POP1: variants seen among roughly 807,000 people sequenced by gnomAD.
The protein encoded by POP1 is POP1 ribonuclease P/MRP subunit.
A neutral mutation model predicts 102.2 loss-of-function variants in POP1; 75 were observed. The observed-to-expected ratio is 0.73, with a 90% CI of 0.61 to 0.89. The LOEUF (loss-of-function observed/expected upper bound fraction) is 0.89, where lower values mean the gene tolerates loss of function less well. Among genes scored for constraint, POP1 ranks in the 40% least tolerant of loss-of-function variants. The pLI, the probability that POP1 is intolerant of heterozygous loss-of-function variation, is 0.00. For missense variants in POP1, 1,116 were observed against 1,267.4 expected, an observed-to-expected ratio of 0.88 and a Z score of 1.81; for synonymous variants, 436 against 464.1, an observed-to-expected ratio of 0.94 and a Z score of 0.78.
In POP1 at chr8:98,130,063, A is replaced by C; in HGVS notation, c.572A>C (p.Glu191Ala). Residue 191 changes from glutamate (E) to alanine (A), a missense_variant, in exon 5 of 16, where the codon GAA becomes GCA. Physicochemically the swap from Glu to Ala is moderately radical, Grantham distance 107 (BLOSUM62 -1). Coordinates refer to ENST00000401707, the MANE Select transcript of POP1 (RefSeq NM_001145860.2). ...AGATGTCACATGAACCGGACGCTAGAATTTAACCGTAGACAAAAGAAGAAC... is the reference window on the plus strand; with the variant it reads ...AGATGTCACATGAACCGGACGCTAGCATTTAACCGTAGACAAAAGAAGAAC... Reference protein sequence around the residue: ...ARRCHMNRTLEFNRRQKKNIW... With the variant: ...ARRCHMNRTLAFNRRQKKNIW... The C allele has an allele frequency of 6.2e-7, 1 of 1,614,216 alleles. No homozygotes were observed. The highest frequency in any genetic ancestry group is 8.5e-7 in the Non-Finnish European group (1 of 1,180,024).
rs1816330067 is a variant in POP1, at chr8:98,129,965, C to G, written c.487-13C>G. On this transcript the variant is annotated splice_polypyrimidine_tract_variant and intron_variant, in intron 4 of 15. Coordinates refer to ENST00000401707, the MANE Select transcript of POP1 (RefSeq NM_001145860.2). Reference sequence around the variant, plus strand: ...TTACAAACTGGGATATGTCCCTCTACTTGAAACTATAGGCGGAGAAAGCCG... The same window carrying G: ...TTACAAACTGGGATATGTCCCTCTAGTTGAAACTATAGGCGGAGAAAGCCG... The G allele has an allele frequency of 6.2e-7, 1 of 1,613,602 alleles. No individual in the cohort carries two copies. The highest frequency in any genetic ancestry group is 1.7e-5 in the Admixed American group (1 of 59,982).
intron 12 of POP1, 69 bp from the exon 13 acceptor site, chr8:98,148,746 T>C: frequency 7.4e-7 from 1 of 1,349,352 alleles, no homozygotes; most frequent in Non-Finnish European, 1.0e-6. Flanking sequence ...AAGCTGCTTA[T>C]AGGGAGACCC....
Position 98,123,277 on chromosome 8 carries a change from T to A in POP1, c.-2-59T>A. 1.9e-6 allele frequency: 3 copies of A among 1,566,162 alleles called. No homozygotes were observed. The South Asian group carries it at 3.4e-5, about 18-fold the overall frequency. ...CATGAATATTTACTCATTAAATTTA[T>A]TTTTATTTTTGAGTGGAAGTTTCCT... On this transcript the variant is annotated intron_variant, in intron 1 of 15. Coordinates refer to ENST00000401707, the MANE Select transcript of POP1 (RefSeq NM_001145860.2).
At chr8:98,142,027 T>A (rs1816719179) in intron 11 of POP1, among the ~76,000 whole-genome samples, 1 of 152,166 alleles carries the variant, frequency 6.6e-6, no homozygotes, top group East Asian at 1.9e-4. Context: ...AATGAGTCAT[T>A]GCCTCTTTCT....
chr8:98,155,861 C>G, intron 14 of POP1, 189 bp from the exon 15 acceptor site: 1 of 650,670 alleles, frequency 1.5e-6, no homozygotes, highest in South Asian at 1.8e-5. Context: ...AGGCATGAGC[C>G]ACTGAGCCCA....
intron 15 of POP1, among the ~76,000 whole-genome samples, chr8:98,157,307 G>T (rs545610526): frequency 1.3e-5 from 2 of 152,138 alleles, no homozygotes; most frequent in African/African-American, 4.8e-5. Flanking sequence ...TTTACTCATT[G>T]AAATCTTAGT....
At chr8:98,125,779 A>G (rs767980625) in intron 2 of POP1, among the ~76,000 whole-genome samples, 1 of 151,814 alleles carries the variant, frequency 6.6e-6, no homozygotes, top group Non-Finnish European at 1.5e-5. Flanking sequence ...AGCTCAGGCA[A>G]TCCACCCACC....
chr8:98,153,216 C>T lies in POP1; in HGVS notation c.2057+2577C>T, dbSNP rs185813073. On this transcript the variant is annotated intron_variant, in intron 14 of 15. Transcript: ENST00000401707. The stretch of plus-strand genomic sequence containing the variant: ...AACTCCTGGCCTCAAGCAGTCCTCC[C>T]ATCCCAGCCTCCCAAAATGCTGGGA... Among the ~76,000 whole-genome samples the T allele has an allele frequency of 3.3e-4, 50 of 152,336 alleles. No individual in the cohort carries two copies. The East Asian group carries it at 9.5e-3, about 29-fold the overall frequency.
intron 11 of POP1, among the ~76,000 whole-genome samples, chr8:98,141,720 A>ATTTT (rs933222679): frequency 7.5e-6 from 1 of 133,138 alleles, no homozygotes; most frequent in East Asian, 2.1e-4. Flanking sequence ...CGCCTGGCTA[A>ATTTT]TTTTTTTTTT....
chr8:98,154,268 T>C (rs112357934), intron 14 of POP1, among the ~76,000 whole-genome samples: 8,722 of 152,282 alleles, frequency 0.057, 296 homozygotes, highest in Middle Eastern at 0.095. Flanking sequence ...CATGGGGTCA[T>C]TGGAGAGTTG....
intron 9 of POP1, among the ~76,000 whole-genome samples, chr8:98,138,974 T>G (rs1304243673): frequency 6.7e-6 from 1 of 150,144 alleles, no homozygotes; most frequent in Non-Finnish European, 1.5e-5. Context: ...TACCTCAGCC[T>G]CCCGAGTAGC....
Position 98,124,859 on chromosome 8 carries a change from C to T in POP1, c.142+1380C>T, listed in dbSNP as rs118100108. Among the ~76,000 whole-genome samples the T allele has an allele frequency of 4.3e-4, 65 of 152,248 alleles. No individual in the cohort carries two copies. In the East Asian group the frequency reaches 7.5e-3, roughly 18 times the overall value. On this transcript the variant is annotated intron_variant, in intron 2 of 15. Coordinates refer to ENST00000401707, the MANE Select transcript of POP1 (RefSeq NM_001145860.2). The stretch of plus-strand genomic sequence containing the variant: ...ACCTTATGAAGTGATAGGAAGATCA[C>T]AGTTGTTCATTAGGGCAGCGGTAGA...
chr8:98,156,286 A>G lies in POP1; in HGVS notation c.2294A>G (p.His765Arg), dbSNP rs780682766. 1.9e-6 allele frequency: 3 copies of G among 1,614,124 alleles called. No homozygotes were observed. The highest frequency in any genetic ancestry group is 1.7e-5 in the Admixed American group (1 of 60,030). Residue 765 changes from histidine to arginine, a missense_variant, in exon 15 of 16, where the codon CAC (histidine) becomes CGC (arginine). Physicochemically the swap from His to Arg is conservative, Grantham distance 29 (BLOSUM62 0). Coordinates refer to ENST00000401707, the MANE Select transcript of POP1 (RefSeq NM_001145860.2). Reference sequence around the variant, plus strand: ...GATGAAGTGGGCACATCCATAGAGCACCCCAGGGAGGCAGAGGAGGTAATG... The same window carrying G: ...GATGAAGTGGGCACATCCATAGAGCGCCCCAGGGAGGCAGAGGAGGTAATG... ...PSDEVGTSIE[H>R]PREAEEVMDA... is the part of the protein sequence containing the mutation.
intron 13 of POP1, among the ~76,000 whole-genome samples, chr8:98,149,666 A>G (rs985484178): frequency 6.6e-6 from 1 of 152,194 alleles, no homozygotes; most frequent in Non-Finnish European, 1.5e-5. Flanking sequence ...CTGAGGCATA[A>G]GAATCCCTTG....
chr8:98,147,789 A>T (rs1809394594), intron 12 of POP1, among the ~76,000 whole-genome samples: 1 of 152,066 alleles, frequency 6.6e-6, no homozygotes, highest in Non-Finnish European at 1.5e-5. Context: ...AGAAAGGAGG[A>T]GGTGTGTCGA....
intron 1 of POP1, among the ~76,000 whole-genome samples, chr8:98,120,800 A>C (rs914287056): frequency 2.6e-5 from 4 of 152,038 alleles, no homozygotes; most frequent in African/African-American, 4.8e-5. Context: ...GCGCCCGCCA[A>C]CACGCCCGGC....
At chr8:98,118,550 C>T (rs185389067) in intron 1 of POP1, among the ~76,000 whole-genome samples, 2 of 152,220 alleles carry the variant, frequency 1.3e-5, no homozygotes, top group East Asian at 1.9e-4. Flanking sequence ...CTGAGCATCT[C>T]AAGTAGTTGG....
chr8:98,141,044 C>T (rs1816689652), intron 11 of POP1, among the ~76,000 whole-genome samples, 156 bp downstream of exon 11: 1 of 152,070 alleles, frequency 6.6e-6, no homozygotes, highest in African/African-American at 2.4e-5. Flanking sequence ...TGATTATGAT[C>T]TAAGGAAATG....
chr8:98,145,006 G>C (rs1290624604), intron 11 of POP1, among the ~76,000 whole-genome samples: 1 of 152,076 alleles, frequency 6.6e-6, no homozygotes, highest in Non-Finnish European at 1.5e-5. Context: ...TCCTACCTCA[G>C]CCTCTCAAGT....
Sources: allele counts gnomAD v4.1 joint callset (sites outside exome capture counted in the v4.1 genomes callset), GRCh38; gene constraint gnomAD v4.1.1; transcripts MANE v1.5; gene names NCBI Gene and HGNC (gene_info 2026-07-23, HGNC 2026-07-21).